The following SULT1E1 variants were observed in gnomAD, a reference collection of about 807,000 sequenced individuals.
The protein encoded by SULT1E1 is sulfotransferase 1E1.
In SULT1E1, 36 loss-of-function variants were observed where a neutral mutation model predicts 33.6. The ratio of observed to expected loss-of-function variants is 1.07; its 90% confidence interval spans 0.82 to 1.41. The LOEUF (loss-of-function observed/expected upper bound fraction) is 1.41. SULT1E1 is among the 40% of genes most tolerant of loss of function. The pLI is 0.00. For missense variants in SULT1E1, 371 were observed against 345.7 expected (o/e 1.07, Z -0.58); for synonymous variants, 121 against 111.7 (o/e 1.08, Z -0.53).
the SULT1E1 span, among the ~76,000 whole-genome samples, chr4:69,827,110 C>G: frequency 6.6e-6 from 1 of 152,104 alleles, no homozygotes; most frequent in Non-Finnish European, 1.5e-5. Context: ...TCAAGGTAGA[C>G]CTGGGGAAGC....
At chr4:69,855,491 A>G (rs1578106680) in intron 2 of SULT1E1, 65 bp from the exon 3 acceptor site, 4 of 1,499,196 alleles carry the variant, frequency 2.7e-6, no homozygotes, top group African/African-American at 2.8e-5. Context: ...TTAGTGCTGC[A>G]TTTATGGATG....
the SULT1E1 span, among the ~76,000 whole-genome samples, chr4:69,824,743 C>T: frequency 6.6e-6 from 1 of 152,182 alleles, no homozygotes; most frequent in South Asian, 2.1e-4. Flanking sequence ...CTAATCAGCA[C>T]TCTGTAAAAT....
intron 7 of SULT1E1, among the ~76,000 whole-genome samples, chr4:69,843,393 G>T (rs1003544053): frequency 6.6e-6 from 1 of 152,160 alleles, no homozygotes; most frequent in African/African-American, 2.4e-5. Context: ...TATAGTTTGA[G>T]AACTGAATCT....
At chr4:69,826,238 T>C in the SULT1E1 span, among the ~76,000 whole-genome samples, 1 of 152,078 alleles carries the variant, frequency 6.6e-6, no homozygotes, top group East Asian at 1.9e-4. Context: ...CTTTATAGGA[T>C]GGGGTAAAGT....
chr4:69,850,834 T>C (rs1324551409), intron 4 of SULT1E1, among the ~76,000 whole-genome samples: 1 of 152,118 alleles, frequency 6.6e-6, no homozygotes, highest in East Asian at 1.9e-4. Context: ...GATCTCTCTT[T>C]CCCTAAACTT....
At chr4:69,825,285 G>A in the SULT1E1 span, among the ~76,000 whole-genome samples, 1 of 152,040 alleles carries the variant, frequency 6.6e-6, no homozygotes, top group Non-Finnish European at 1.5e-5. Context: ...CTGAACATCT[G>A]AAGGAACAAA....
intron 4 of SULT1E1, among the ~76,000 whole-genome samples, chr4:69,851,895 G>T (rs1255552630): frequency 6.6e-6 from 1 of 151,996 alleles, no homozygotes; most frequent in Admixed American, 6.6e-5. Context: ...AACACCTCAT[G>T]TTCTCACTCA....
intron 4 of SULT1E1, among the ~76,000 whole-genome samples, chr4:69,851,895 G>A (rs1255552630): frequency 6.6e-6 from 1 of 151,996 alleles, no homozygotes; most frequent in Non-Finnish European, 1.5e-5. Flanking sequence ...AACACCTCAT[G>A]TTCTCACTCA....
At chr4:69,850,192 C>A (rs904370203) in intron 4 of SULT1E1, among the ~76,000 whole-genome samples, 3 of 151,970 alleles carry the variant, frequency 2.0e-5, no homozygotes, top group Admixed American at 2.0e-4. Context: ...CTAGTTTTGG[C>A]AGTAAGAAAA....
At chr4:69,832,885 C>T in the SULT1E1 span, among the ~76,000 whole-genome samples, 218 of 152,226 alleles carry the variant, frequency 1.4e-3, no homozygotes, top group African/African-American at 5.0e-3. Flanking sequence ...TTTACTTACA[C>T]TAAAGGAGAG....
At chr4:69,830,029 A>G in the SULT1E1 span, among the ~76,000 whole-genome samples, 1 of 152,128 alleles carries the variant, frequency 6.6e-6, no homozygotes, top group Non-Finnish European at 1.5e-5. Context: ...GATGGCCCAG[A>G]CCATTCTCCT....
chr4:69,838,417 A>G (rs1720830336), downstream of SULT1E1: 1 of 152,308 alleles, frequency 6.6e-6, no homozygotes, highest in African/African-American at 2.4e-5. Context: ...TGCTGTTACA[A>G]TGAAGAATTT....
rs1721214124 is a variant in SULT1E1 at position 69,855,400 on chromosome 4, A to G, written c.172T>C (p.Tyr58His). The G allele has an allele frequency of 2.5e-6, 4 of 1,612,018 alleles. No individual in the cohort carries two copies. Among genetic ancestry groups the G allele is most frequent in the Admixed American group, 1.7e-5 (1 of 59,894 alleles). The change falls in exon 3 of 8, where the codon TAT becomes CAT. Residue 58 changes from tyrosine (Y) to histidine (H), a missense_variant. Transcript: ENST00000226444. ...ACATCACCCTCTTTATAGATCATAT[A>G]CACAATTTCACTAACCCAGGTTGTA... ...SGTTWVSEIV[Y>H]MIYKEGDVEK... is the part of the protein sequence containing the mutation.
chr4:69,841,134 C>T (rs547250915), downstream of SULT1E1: 16 of 152,248 alleles, frequency 1.1e-4, no homozygotes, highest in African/African-American at 3.6e-4. Flanking sequence ...TTCATTCTTT[C>T]TTCCAGAGTC....
intron 6 of SULT1E1, among the ~76,000 whole-genome samples, 173 bp from the exon 7 acceptor site, chr4:69,844,514 C>A (rs1298919546): frequency 1.3e-5 from 2 of 151,926 alleles, no homozygotes; most frequent in Non-Finnish European, 2.9e-5. Context: ...TATAATTTTC[C>A]TCATCCATAA....
At chr4:69,851,051 C>A (rs1395344706) in intron 4 of SULT1E1, among the ~76,000 whole-genome samples, 1 of 152,052 alleles carries the variant, frequency 6.6e-6, no homozygotes, top group Non-Finnish European at 1.5e-5. Context: ...ACTTTAAAGA[C>A]CCCTATTCTT....
chr4:69,858,852 A>G (rs533630413), intron 1 of SULT1E1, among the ~76,000 whole-genome samples: 44 of 152,226 alleles, frequency 2.9e-4, no homozygotes, highest in African/African-American at 9.9e-4. Context: ...TTGCTTACTC[A>G]TGTGAATTAC....
chr4:69,858,567 C>T lies in SULT1E1; in HGVS notation c.-9-914G>A, dbSNP rs372148340. On this transcript the variant is annotated intron_variant, in intron 1 of 7. Coordinates refer to ENST00000226444, the MANE Select transcript of SULT1E1 (RefSeq NM_005420.3). ...CTGACATTAGCCTTTCTAGATCTTC[C>T]TCCTGTTCACATTTGCCCAAAAACC... Among the ~76,000 whole-genome samples, 31 of 152,182 alleles carry T rather than the reference C, an allele frequency of 2.0e-4. 1 individual carries two copies. The East Asian group carries it at 5.0e-3, about 25-fold the overall frequency.
intron 4 of SULT1E1, among the ~76,000 whole-genome samples, chr4:69,853,206 G>A (rs11573764): frequency 0.039 from 5,900 of 152,200 alleles, 131 homozygotes; most frequent in Admixed American, 0.061. Context: ...AACAGCACTG[G>A]TGAGAGAAAG....
Sources: gnomAD v4.1 joint callset for allele counts (sites outside exome capture counted in the v4.1 genomes callset) on GRCh38, gnomAD v4.1.1 for gene constraint, MANE v1.5 for transcripts, NCBI Gene and HGNC (gene_info 2026-07-23, HGNC 2026-07-21) for gene names.